Variants in RUSC2 observed in about 807,000 individuals in gnomAD.
RUSC2 encodes RUN and SH3 domain containing 2.
RUSC2 carries 34 observed loss-of-function variants against 122.2 expected under a neutral mutation model. The observed-to-expected ratio is 0.28, with a 90% CI of 0.21 to 0.37. RUSC2 has a LOEUF of 0.37. RUSC2 is among the 10% of genes least tolerant of loss of function. The probability of loss-of-function intolerance (pLI) is 1.00; values close to 1 mark genes in which losing one functional copy is unlikely to be tolerated. For missense variants in RUSC2, 1,747 were observed against 1,952.4 expected (o/e 0.89, Z 1.98); for synonymous variants, 784 against 790.0 (o/e 0.99, Z 0.13).
At chr9:35,528,363 G>A (rs1025656051) in intron 1 of RUSC2, among the ~76,000 whole-genome samples, 8 of 151,452 alleles carry the variant, frequency 5.3e-5, no homozygotes, top group Non-Finnish European at 8.8e-5. Context: ...CAGCCTGGGT[G>A]ACAGAGTGAG....
At position 35,558,567 on chromosome 9, in the gene RUSC2, A is replaced by G; in HGVS notation, c.3341A>G (p.Asn1114Ser). 1 of 1,610,992 alleles carries G rather than the reference A, an allele frequency of 6.2e-7. No individual in the cohort carries two copies. Among genetic ancestry groups the G allele is most frequent in the Non-Finnish European group, 8.5e-7 (1 of 1,177,168 alleles). ...AACGCCTTCATCCTCGGCCTGCTCA[A>G]GTGAGTGCACAGAGCAGCAAGATCC... Reference protein sequence around the residue: ...RFNAFILGLLNIRSLEFWFNH... With the variant: ...RFNAFILGLLSIRSLEFWFNH... The change falls in exon 8 of 12, where the codon AAC becomes AGC. Residue 1114 changes from asparagine (N) to serine (S), a missense_variant and splice_region_variant. Physicochemically the swap from Asn to Ser is conservative, Grantham distance 46. Transcript: ENST00000361226. This position sits in a 1 kb window ranked among gnomAD's most constrained non-coding sequence, Gnocchi z 4.3.
chr9:35,513,903 C>CAT (rs3068511), intron 1 of RUSC2, among the ~76,000 whole-genome samples: 11,387 of 103,672 alleles, frequency 0.11, 585 homozygotes, highest in Admixed American at 0.16. Flanking sequence ...CTTCAACAAA[C>CAT]ATATATATAT....
chr9:35,499,899 A>T (rs1275392433), intron 1 of RUSC2, among the ~76,000 whole-genome samples: 1 of 152,206 alleles, frequency 6.6e-6, no homozygotes, highest in East Asian at 1.9e-4. Context: ...ACCTACTACT[A>T]GTCCCGTTCA....
intron 1 of RUSC2, among the ~76,000 whole-genome samples, chr9:35,544,313 T>TTTTC (rs898561323): frequency 1.4e-5 from 2 of 145,800 alleles, no homozygotes; most frequent in African/African-American, 5.0e-5. Context: ...ATGTCTTTTT[T>TTTTC]TTTTTTTTTT....
At chr9:35,553,071 G>A (rs897428471) in intron 2 of RUSC2, among the ~76,000 whole-genome samples, 9 of 152,168 alleles carry the variant, frequency 5.9e-5, no homozygotes, top group Admixed American at 2.0e-4. Context: ...TTAAATAGGC[G>A]GAAAGGAAGG....
In RUSC2 at chr9:35,547,019, T is replaced by G. The variant is rs1564263257; in HGVS notation, c.498T>G (p.Ala166=). ...GRPWGTTRSR[A]GVVEGQEQEP... ...CATGGGGGACAACACGCAGTCGGGC[T>G]GGAGTGGTGGAAGGGCAGGAACAGG... Residue 166 remains alanine, a synonymous_variant, in exon 2 of 12, where the codon GCT becomes GCG. Coordinates refer to ENST00000361226, the MANE Select transcript of RUSC2 (RefSeq NM_014806.5). The surrounding 1 kb of genome is among the most constrained non-coding windows in gnomAD (Gnocchi z 4.6). The G allele has an allele frequency of 1.2e-6, 2 of 1,607,748 alleles. No homozygotes were observed. The highest frequency in any genetic ancestry group is 2.2e-5 in the South Asian group (2 of 90,074).
chr9:35,543,152 A>T (rs1821674735), intron 1 of RUSC2, among the ~76,000 whole-genome samples: 1 of 152,332 alleles, frequency 6.6e-6, no homozygotes, highest in Middle Eastern at 3.4e-3. Context: ...TAGGCCCGGC[A>T]TGGTGGCTCA....
intron 1 of RUSC2, among the ~76,000 whole-genome samples, chr9:35,536,184 A>G (rs1163438454): frequency 1.5e-5 from 1 of 67,012 alleles, no homozygotes; most frequent in Non-Finnish European, 6.2e-5. Flanking sequence ...AATGATGATC[A>G]TCAAAGTAAA....
chr9:35,510,845 T>G (rs1444489989), intron 1 of RUSC2, among the ~76,000 whole-genome samples: 1 of 152,214 alleles, frequency 6.6e-6, no homozygotes, highest in African/African-American at 2.4e-5. Flanking sequence ...TGGGCTGTGT[T>G]TTTGGCAAAG....
intron 1 of RUSC2, among the ~76,000 whole-genome samples, chr9:35,494,153 CTT>C (rs572343867): frequency 4.9e-5 from 7 of 142,352 alleles, no homozygotes; most frequent in African/African-American, 5.1e-5. Flanking sequence ...CACTTGTTTT[CTT>C]TTTTTTTTTT....
intron 1 of RUSC2, among the ~76,000 whole-genome samples, chr9:35,495,560 T>G (rs973091086): frequency 2.6e-5 from 4 of 152,036 alleles, no homozygotes; most frequent in African/African-American, 9.7e-5. Context: ...AACACTGTTT[T>G]GATTACTGTA....
chr9:35,498,738 G>A (rs1368909640), intron 1 of RUSC2, among the ~76,000 whole-genome samples: 2 of 151,064 alleles, frequency 1.3e-5, no homozygotes, highest in African/African-American at 4.9e-5. Flanking sequence ...GTGCGTGCCT[G>A]TAGTCCCAGC....
chr9:35,548,688 A>T lies in RUSC2; in HGVS notation c.2014+153A>T. The stretch of plus-strand genomic sequence containing the variant: ...ATCCTTCTAGGCCAGGGCAGGACCC[A>T]CAGCTACAGTGGAATAGGCTCACTG... On this transcript the variant is annotated intron_variant, in intron 2 of 11. Transcript: ENST00000361226. This position sits in a 1 kb window ranked among gnomAD's most constrained non-coding sequence, Gnocchi z 4.5. The T allele has an allele frequency of 1.0e-6, 1 of 985,374 alleles. No individual in the cohort carries two copies. 61.0% of individuals were successfully genotyped at this position (985,374 alleles called of 1,614,324 possible).
chr9:35,530,044 C>T (rs771630086), intron 1 of RUSC2, among the ~76,000 whole-genome samples: 49 of 152,274 alleles, frequency 3.2e-4, no homozygotes, highest in African/African-American at 1.0e-3. Context: ...CTCTGCTTCC[C>T]GGCCTCAAGC....
Position 35,533,246 on chromosome 9 carries a change from C to CA in RUSC2, c.-92-13170dup, listed in dbSNP as rs67387968. The stretch of plus-strand genomic sequence containing the variant: ...TGGGTGACAGAGCGAGACTCTGTCT[C>CA]AAAAAAAAAAAAAAGAAGAATTTGG... On this transcript the variant is annotated intron_variant, in intron 1 of 11. Transcript: ENST00000361226. Among the ~76,000 whole-genome samples the CA allele has an allele frequency of 9.6e-3, 1,178 of 122,914 alleles. 17 individuals carry two copies. The highest frequency in any genetic ancestry group is 0.021 in the African/African-American group (735 of 34,350). 80.6% of individuals were successfully genotyped at this position (122,914 alleles called of 152,430 possible).
At position 35,561,435 on chromosome 9, in the gene RUSC2, G is replaced by A; in HGVS notation, c.*53G>A. 1 of 1,452,524 alleles carries A rather than the reference G, an allele frequency of 6.9e-7. No homozygotes were observed. Among genetic ancestry groups the A allele is most frequent in the Non-Finnish European group, 9.4e-7 (1 of 1,067,402 alleles). 90.0% of individuals were successfully genotyped at this position (1,452,524 alleles called of 1,614,324 possible). A position where few individuals can be genotyped will look rare whatever the true frequency, so the allele number is the denominator to read the frequency against. ...GACCCTCATAACCCCCAGACTCAGA[G>A]CCCGAGAGCCCTTCCCAAGCCATTG... On this transcript the variant is annotated 3_prime_UTR_variant, in exon 12 of 12. Transcript: ENST00000361226.
At chr9:35,532,533 T>C (rs989579290) in intron 1 of RUSC2, among the ~76,000 whole-genome samples, 1 of 152,150 alleles carries the variant, frequency 6.6e-6, no homozygotes, top group Non-Finnish European at 1.5e-5. Context: ...TCACTTGAGC[T>C]CAGGAGTTCA....
intron 1 of RUSC2, among the ~76,000 whole-genome samples, chr9:35,509,457 T>G (rs992434791): frequency 6.6e-6 from 1 of 152,234 alleles, no homozygotes; most frequent in African/African-American, 2.4e-5. Context: ...CCGTGTTCAT[T>G]GGGCAGGAAA....
In RUSC2 at chr9:35,548,456, G is replaced by A; in HGVS notation, c.1935G>A (p.Gln645=). ...CTACTGGGCAAGGCCCCCTGGCTCA[G>A]CTGATGGATCCAGGGCCTGCTCTCC... ...LRATGQGPLA[Q]LMDPGPALPG... The change falls in exon 2 of 12, where the codon CAG becomes CAA. Residue 645 remains glutamine (Q), a synonymous_variant. Coordinates refer to ENST00000361226, the MANE Select transcript of RUSC2 (RefSeq NM_014806.5). This position sits in a 1 kb window ranked among gnomAD's most constrained non-coding sequence, Gnocchi z 4.5. The A allele has an allele frequency of 6.2e-7, 1 of 1,613,962 alleles. No homozygotes were observed. Among genetic ancestry groups the A allele is most frequent in the Non-Finnish European group, 8.5e-7 (1 of 1,180,030 alleles).
Sources: allele counts gnomAD v4.1 joint callset (sites outside exome capture counted in the v4.1 genomes callset), GRCh38; gene constraint gnomAD v4.1.1; non-coding constraint Gnocchi (gnomAD v3.1); transcripts MANE v1.5; gene names NCBI Gene and HGNC (gene_info 2026-07-23, HGNC 2026-07-21).